Variants in GCSAML observed in about 807,000 individuals in gnomAD.
The protein encoded by GCSAML is germinal center-associated signaling and motility-like protein.
GCSAML carries 9 observed loss-of-function variants against 13.0 expected under a neutral mutation model. The ratio of observed to expected loss-of-function variants is 0.69; its 90% CI spans 0.42 to 1.21. The LOEUF is 1.21. GCSAML is among the 50% of genes most tolerant of loss of function. GCSAML has a pLI of 0.00. For synonymous variants in GCSAML, 37 were observed against 52.9 expected (o/e 0.70, Z 1.31); for missense variants, 143 against 153.4 (o/e 0.93, Z 0.36).
intron 2 of GCSAML, among the ~76,000 whole-genome samples, chr1:247,536,708 A>T (rs1667232062): frequency 6.6e-6 from 1 of 152,136 alleles, no homozygotes; most frequent in African/African-American, 2.4e-5. Context: ...CACACACAGA[A>T]TTGTTTCTTT....
At chr1:247,564,419 A>G (rs1270073552) in intron 3 of GCSAML, among the ~76,000 whole-genome samples, 2 of 151,464 alleles carry the variant, frequency 1.3e-5, no homozygotes, top group East Asian at 2.0e-4. Flanking sequence ...TCTGTTTGCC[A>G]TAGTATCTAG....
intron 2 of GCSAML, chr1:247,532,496 T>G (rs963226511): frequency 3.7e-6 from 6 of 1,613,704 alleles, no homozygotes; most frequent in Middle Eastern, 1.7e-4. Flanking sequence ...GAACTCACAT[T>G]GGCTATTTCC....
At chr1:247,553,000 T>C (rs1457078557) in intron 1 of GCSAML, among the ~76,000 whole-genome samples, 1 of 152,192 alleles carries the variant, frequency 6.6e-6, no homozygotes, top group Non-Finnish European at 1.5e-5. Context: ...GTGATCTACC[T>C]GCCTCGGCCT....
chr1:247,559,464 C>T (rs1668052297), intron 2 of GCSAML, among the ~76,000 whole-genome samples: 1 of 151,920 alleles, frequency 6.6e-6, no homozygotes, highest in Non-Finnish European at 1.5e-5. Flanking sequence ...AAATGACGGC[C>T]TTGCTAAAAT....
intron 2 of GCSAML, among the ~76,000 whole-genome samples, chr1:247,533,104 A>G (rs982991608): frequency 2.0e-5 from 3 of 152,034 alleles, no homozygotes; most frequent in East Asian, 1.9e-4. Context: ...GTCGTTAACT[A>G]TATCCAGTTT....
intron 2 of GCSAML, chr1:247,531,907 A>G (rs1274602665): frequency 6.2e-7 from 1 of 1,614,240 alleles, no homozygotes. Flanking sequence ...AAAGCTGGCC[A>G]GGTACATCTC....
intron 2 of GCSAML, among the ~76,000 whole-genome samples, chr1:247,543,851 A>G (rs550727390): frequency 4.6e-5 from 7 of 152,140 alleles, no homozygotes; most frequent in African/African-American, 1.7e-4. Context: ...GTGCAGTGGC[A>G]TGATCATAGC....
At chr1:247,568,228 T>G (rs552149502) in intron 4 of GCSAML, among the ~76,000 whole-genome samples, 1 of 152,330 alleles carries the variant, frequency 6.6e-6, no homozygotes, top group South Asian at 2.1e-4. Context: ...CTTTTGGTGT[T>G]TTAGTCAAGA....
At chr1:247,513,796 G>A (rs1350604288) in intron 1 of GCSAML, among the ~76,000 whole-genome samples, 2 of 152,172 alleles carry the variant, frequency 1.3e-5, no homozygotes, top group Non-Finnish European at 2.9e-5. Flanking sequence ...CTTCCTGGGT[G>A]AGGCAATGCT....
chr1:247,571,283 T>C lies in GCSAML; in HGVS notation c.169-2860T>C, dbSNP rs550061900. 3.0e-4 allele frequency among the ~76,000 whole-genome samples: 45 copies of C among 152,366 alleles called. 1 individual carries two copies. The highest frequency in any genetic ancestry group is 1.1e-3 in the African/African-American group (44 of 41,586). On this transcript the variant is annotated intron_variant, in intron 4 of 4. Coordinates refer to ENST00000366488, the MANE Select transcript of GCSAML (RefSeq NM_145278.5). ...TATTTTGCTCATTAGTTGAGCAGTT[T>C]CTTCATAGTGTCAATGGACTTTACA...
chr1:247,522,280 C>CCGTCCGGGAGGGAGG lies in GCSAML; in HGVS notation c.-262-4660_-262-4659insCGTCCGGGAGGGAGG, dbSNP rs1558236565. On this transcript the variant is annotated intron_variant, in intron 1 of 5. Coordinates refer to the GCSAML transcript ENST00000366489. The stretch of plus-strand genomic sequence containing the variant: ...GGCAGCCCCCACCCGGCTAGCCGCC[C>CCGTCCGGGAGGGAGG]TGTCCGGGAGGGAGGTGGGGGGCGC... Among the ~76,000 whole-genome samples the CCGTCCGGGAGGGAGG allele has an allele frequency of 4.7e-5, 5 of 105,652 alleles. 1 individual carries two copies. The highest frequency in any genetic ancestry group is 8.7e-5 in the Non-Finnish European group (4 of 46,060). 69.3% of individuals were successfully genotyped at this position (105,652 alleles called of 152,430 possible). A position where few individuals can be genotyped will look rare whatever the true frequency, so the allele number is the denominator to read the frequency against.
intron 2 of GCSAML, chr1:247,531,883 A>C (rs1236075896): frequency 6.2e-7 from 1 of 1,614,128 alleles, no homozygotes; most frequent in African/African-American, 1.3e-5. Flanking sequence ...CCCCAGAGGC[A>C]GGACAACAAA....
At chr1:247,521,027 T>C (rs1305773830) in intron 1 of GCSAML, among the ~76,000 whole-genome samples, 1 of 152,174 alleles carries the variant, frequency 6.6e-6, no homozygotes, top group Non-Finnish European at 1.5e-5. Flanking sequence ...AGTGTGGGCC[T>C]ATATAAACTT....
chr1:247,554,429 G>A (rs1353247710), intron 1 of GCSAML, among the ~76,000 whole-genome samples: 1 of 151,826 alleles, frequency 6.6e-6, no homozygotes, highest in African/African-American at 2.4e-5. Flanking sequence ...TCTTTTCTAA[G>A]ATTTGGTTCC....
In GCSAML at chr1:247,576,615, C is replaced by A. The variant is rs1008995384; in HGVS notation, c.*2233C>A. 6.6e-6 allele frequency: 1 copy of A among 152,028 alleles called. No individual in the cohort carries two copies. The highest frequency in any genetic ancestry group is 1.9e-4 in the East Asian group (1 of 5,186). 9.4% of individuals were successfully genotyped at this position (152,028 alleles called of 1,614,324 possible). On this transcript the variant is annotated 3_prime_UTR_variant, in exon 5 of 5. Transcript: ENST00000366488. ...ATTAGGGATTTTCAACCTGTACTGA[C>A]CTTTTAGTCATTGACAAGCATTAAT...
At chr1:247,534,720 A>T (rs1261629482) in intron 2 of GCSAML, among the ~76,000 whole-genome samples, 1 of 152,228 alleles carries the variant, frequency 6.6e-6, no homozygotes, top group Non-Finnish European at 1.5e-5. Context: ...GCCTTCTTAA[A>T]ATCCCAGAGA....
At position 247,565,926 on chromosome 1, in the gene GCSAML, TC is replaced by T; in HGVS notation, c.140-3del. 1 of 1,547,878 alleles carries T rather than the reference TC, an allele frequency of 6.5e-7. No homozygotes were observed. Among genetic ancestry groups the T allele is most frequent in the Admixed American group, 2.1e-5 (1 of 47,694 alleles). On this transcript the variant is annotated splice_polypyrimidine_tract_variant and splice_region_variant and intron_variant, in intron 3 of 4. Coordinates refer to ENST00000366488, the MANE Select transcript of GCSAML (RefSeq NM_145278.5). ...TTTCTTTTTTTTTTTTTTTTAATTC[TC>T]CAGGCCAAGAAGTTTCATCCACTTC... is the stretch of plus-strand genomic sequence containing the variant.
chr1:247,530,524 C>CCCCA (rs1553302968), intron 2 of GCSAML: 5 of 141,652 alleles, frequency 3.5e-5, no homozygotes, highest in Non-Finnish European at 7.9e-5. Context: ...CCATCCCCCC[C>CCCCA]CCACAAAATA....
chr1:247,517,887 G>T (rs1558234071), intron 1 of GCSAML, among the ~76,000 whole-genome samples: 1 of 152,182 alleles, frequency 6.6e-6, no homozygotes, highest in Admixed American at 6.5e-5. Flanking sequence ...GAGAGCTCGC[G>T]GGGTGACGCC....
Sources: gnomAD v4.1 joint callset for allele counts (sites outside exome capture counted in the v4.1 genomes callset) on GRCh38, gnomAD v4.1.1 for gene constraint, MANE v1.5 for transcripts, NCBI Gene and HGNC (gene_info 2026-07-23, HGNC 2026-07-21) for gene names.